CALHM4: variants seen among roughly 807,000 people sequenced by gnomAD.
The protein encoded by CALHM4 is calcium homeostasis modulator family member 4, also known as calcium homeostasis modulator protein 4.
A neutral mutation model predicts 13.3 loss-of-function variants in CALHM4; 16 were observed. The ratio of observed to expected loss-of-function variants is 1.20; its 90% CI spans 0.81 to 1.82. CALHM4 has a LOEUF of 1.82. Ranked by LOEUF, CALHM4 falls within the 40% of genes most tolerant of loss-of-function variation. The probability of loss-of-function intolerance (pLI) is 0.00; values close to 1 mark genes in which losing one functional copy is unlikely to be tolerated. For missense variants in CALHM4, 344 were observed against 374.9 expected, an observed-to-expected ratio of 0.92 and a Z score of 0.68; for synonymous variants, 127 against 137.1, an observed-to-expected ratio of 0.93 and a Z score of 0.52.
chr6:116,548,338 G>A (rs2115268875), intron 2 of CALHM4, among the ~76,000 whole-genome samples: 1 of 152,160 alleles, frequency 6.6e-6, no homozygotes, highest in East Asian at 1.9e-4. Flanking sequence ...ATAAATTTCT[G>A]GTGTTTATAC....
chr6:116,554,074 C>T lies in CALHM4; in HGVS notation c.281C>T (p.Pro94Leu), dbSNP rs1272525866. The T allele has an allele frequency of 1.3e-6, 2 of 1,550,462 alleles. No homozygotes were observed. The highest frequency in any genetic ancestry group is 1.4e-5 in the African/African-American group (1 of 73,002). Reference protein sequence around the residue: ...SCAPPYRRISPLECKLACLRF... With the variant: ...SCAPPYRRISLLECKLACLRF... ...GCCCCTCCATACAGGAGAATCAGCCCCCTAGAGTGCAAGCTGGCTTGCCTT... is the reference window on the plus strand; with the variant it reads ...GCCCCTCCATACAGGAGAATCAGCCTCCTAGAGTGCAAGCTGGCTTGCCTT... Residue 94 changes from proline (P) to leucine (L), a missense_variant, in exon 1 of 2, where the codon CCC becomes CTC. Pro to Leu is a moderately conservative substitution (Grantham distance 98, BLOSUM62 -3). Coordinates refer to ENST00000368596, the MANE Select transcript of CALHM4 (RefSeq NM_001366078.2).
intron 2 of CALHM4, among the ~76,000 whole-genome samples, chr6:116,546,785 G>A (rs1167204012): frequency 1.3e-5 from 2 of 152,104 alleles, no homozygotes; most frequent in Non-Finnish European, 1.5e-5. Flanking sequence ...AAATTGAATG[G>A]AATTCTACAA....
chr6:116,548,708 T>A (rs1368706946), intron 2 of CALHM4, among the ~76,000 whole-genome samples: 3 of 152,210 alleles, frequency 2.0e-5, no homozygotes, highest in African/African-American at 7.2e-5. Context: ...GCATTTAATA[T>A]ACCTCATGTA....
intron 1 of CALHM4, among the ~76,000 whole-genome samples, chr6:116,531,755 C>G (rs754917482): frequency 2.6e-5 from 4 of 152,000 alleles, no homozygotes; most frequent in Non-Finnish European, 5.9e-5. Context: ...CATTTTAAAT[C>G]ACAGTTGACC....
rs554684256 is a variant in CALHM4 at position 116,554,314 on chromosome 6, G to A, written c.521G>A (p.Arg174Lys). ...RSAPSDVILV[R>K]DEIALLHRYQ... ...GCTCCTTCTGACGTGATCCTAGTAA[G>A]AGATGAAATAGCTCTTCTGCACAGA... The change falls in exon 1 of 2, where the codon AGA becomes AAA. Residue 174 changes from arginine (R) to lysine (K), a missense_variant. Arg to Lys is a conservative substitution (Grantham distance 26). Transcript: ENST00000368596. 1.1e-5 allele frequency: 17 copies of A among 1,548,838 alleles called. No individual in the cohort carries two copies. In the East Asian group the frequency reaches 2.0e-4, roughly 18 times the overall value.
At chr6:116,536,605 A>G (rs1562351106) in intron 1 of CALHM4, among the ~76,000 whole-genome samples, 1 of 152,150 alleles carries the variant, frequency 6.6e-6, no homozygotes, top group South Asian at 2.1e-4. Context: ...AATTCTCTTC[A>G]AATGCATTCC....
upstream of CALHM4, among the ~76,000 whole-genome samples, chr6:116,551,366 C>T (rs774278560): frequency 7.2e-5 from 11 of 152,088 alleles, no homozygotes; most frequent in Admixed American, 1.3e-4. Flanking sequence ...TATTTTCTGT[C>T]GGTATAGATT....
upstream of CALHM4, among the ~76,000 whole-genome samples, chr6:116,550,003 TA>T (rs1773988812): frequency 7.2e-6 from 1 of 139,036 alleles, no homozygotes; most frequent in East Asian, 2.0e-4. Context: ...TATATATATA[TA>T]TATATATATA....
Position 116,558,101 on chromosome 6 carries a change from A to T in CALHM4, c.835A>T (p.Thr279Ser). ...CQDWKDISVP[T>S]LLCMGDDLQG... ...GGACTGGAAAGATATTTCAGTACCC[A>T]CTCTTTTATGCATGGGTGATGACTT... The change falls in exon 2 of 2, where the codon ACT becomes TCT. Residue 279 changes from threonine to serine, a missense_variant. Physicochemically the swap from Thr to Ser is moderately conservative, Grantham distance 58 (BLOSUM62 1). Coordinates refer to ENST00000368596, the MANE Select transcript of CALHM4 (RefSeq NM_001366078.2). 1 of 1,613,976 alleles carries T rather than the reference A, an allele frequency of 6.2e-7. No homozygotes were observed. Among genetic ancestry groups the T allele is most frequent in the Non-Finnish European group, 8.5e-7 (1 of 1,179,972 alleles).
At chr6:116,551,413 A>G (rs1774072896), upstream of CALHM4, among the ~76,000 whole-genome samples, 1 of 152,344 alleles carries the variant, frequency 6.6e-6, no homozygotes, top group South Asian at 2.1e-4. Flanking sequence ...TAAAAGAATC[A>G]TACATTATGT....
chr6:116,544,403 T>C (rs1240451459), intron 2 of CALHM4, among the ~76,000 whole-genome samples: 1 of 152,054 alleles, frequency 6.6e-6, no homozygotes, highest in East Asian at 1.9e-4. Context: ...TCAGTACCCA[T>C]AAAGGCCAGC....
chr6:116,551,500 T>C (rs1267923961), upstream of CALHM4, among the ~76,000 whole-genome samples: 1 of 152,190 alleles, frequency 6.6e-6, no homozygotes, highest in East Asian at 1.9e-4. Context: ...ATATATCAGG[T>C]TGGTGCAAAT....
At chr6:116,551,936 A>G (rs1231948297), upstream of CALHM4, among the ~76,000 whole-genome samples, 1 of 152,216 alleles carries the variant, frequency 6.6e-6, no homozygotes. Flanking sequence ...TTATAATAAT[A>G]TATAGCTTTA....
At position 116,543,764 on chromosome 6, in the gene CALHM4, G is replaced by A. The variant is rs1228641423; in HGVS notation, c.-108-1G>A. 3 of 1,444,538 alleles carry A rather than the reference G, an allele frequency of 2.1e-6. No individual in the cohort carries two copies. Among genetic ancestry groups the A allele is most frequent in the Admixed American group, 4.3e-5 (2 of 46,912 alleles). 89.5% of individuals were successfully genotyped at this position (1,444,538 alleles called of 1,614,324 possible). A position where few individuals can be genotyped will look rare whatever the true frequency, so the allele number is the denominator to read the frequency against. On this transcript the variant is annotated splice_acceptor_variant, in intron 1 of 2. Coordinates refer to the CALHM4 transcript ENST00000368597. LOFTEE classifies it low-confidence loss of function (5UTR_SPLICE). ...AAAATATATGCCATCCATGTTTTCA[G>A]TTGGAAGCAAGAATTGGATAAGACT...
intron 2 of CALHM4, among the ~76,000 whole-genome samples, chr6:116,548,052 T>A (rs1773889507): frequency 6.6e-6 from 1 of 152,206 alleles, no homozygotes; most frequent in Non-Finnish European, 1.5e-5. Context: ...AAGGTCTGAA[T>A]GTCCCTAAAA....
chr6:116,557,699 G>A (rs1583319612), intron 1 of CALHM4, 126 bp from the exon 2 acceptor site: 1 of 1,161,228 alleles, frequency 8.6e-7, no homozygotes, highest in African/African-American at 1.5e-5. Flanking sequence ...TACTAAAGAT[G>A]GGAAAAGCAA....
chr6:116,536,874 T>A (rs972086968), intron 1 of CALHM4, among the ~76,000 whole-genome samples: 14 of 152,318 alleles, frequency 9.2e-5, no homozygotes, highest in African/African-American at 3.1e-4. Flanking sequence ...TCATTTGACA[T>A]CTGCCTCCTC....
At chr6:116,543,284 A>G in intron 1 of CALHM4, 7 of 1,529,688 alleles carry the variant, frequency 4.6e-6, no homozygotes, top group African/African-American at 1.4e-5. Flanking sequence ...TTCAATAAGA[A>G]TGAAGGACTT....
upstream of CALHM4, among the ~76,000 whole-genome samples, chr6:116,549,556 A>G (rs1472521351): frequency 6.6e-6 from 1 of 152,000 alleles, no homozygotes; most frequent in Non-Finnish European, 1.5e-5. Flanking sequence ...TTTGAAATGT[A>G]AATACATTAT....
Sources: allele counts gnomAD v4.1 joint callset (sites outside exome capture counted in the v4.1 genomes callset), GRCh38; gene constraint gnomAD v4.1.1; transcripts MANE v1.5; gene names NCBI Gene and HGNC (gene_info 2026-07-23, HGNC 2026-07-21).